The following DSCAM variants were observed in gnomAD, a reference collection of about 807,000 sequenced individuals.
DSCAM encodes DS cell adhesion molecule.
Under a neutral mutation model 217.7 loss-of-function variants are expected in DSCAM, and 47 were observed. That is an observed-to-expected ratio of 0.22 (90% CI 0.17 to 0.28). DSCAM has a LOEUF of 0.28. DSCAM is among the 10% of genes least tolerant of loss of function. The probability of loss-of-function intolerance (pLI) is 1.00; values close to 1 mark genes in which losing one functional copy is unlikely to be tolerated. For missense variants in DSCAM, 2,080 were observed against 2,618.3 expected (o/e 0.79, Z 4.49); for synonymous variants, 1,056 against 1,015.3 (o/e 1.04, Z -0.76).
chr21:40,402,076 T>C (rs1601615227), intron 3 of DSCAM, among the ~76,000 whole-genome samples: 2 of 124,984 alleles, frequency 1.6e-5, no homozygotes, highest in Admixed American at 8.3e-5. Context: ...TTTTTTTTTT[T>C]TGAGACAGAG....
chr21:40,022,658 A>G (rs1205426821), intron 32 of DSCAM, among the ~76,000 whole-genome samples: 1 of 152,210 alleles, frequency 6.6e-6, no homozygotes, highest in Non-Finnish European at 1.5e-5. Context: ...CAGTAGTTAC[A>G]GAGTGCAGGG....
intron 2 of DSCAM, among the ~76,000 whole-genome samples, chr21:40,705,589 A>T (rs2090705601): frequency 6.6e-6 from 1 of 152,184 alleles, no homozygotes; most frequent in Non-Finnish European, 1.5e-5. Context: ...AGGAGAGAGA[A>T]TGAATGCAAG....
At chr21:40,698,533 G>A (rs2090619039) in intron 2 of DSCAM, among the ~76,000 whole-genome samples, 1 of 152,132 alleles carries the variant, frequency 6.6e-6, no homozygotes. Context: ...TGCTCTACCT[G>A]CCCTGGGTGT....
intron 1 of DSCAM, among the ~76,000 whole-genome samples, chr21:40,794,925 G>A (rs890424302): frequency 2.9e-5 from 4 of 139,370 alleles, no homozygotes; most frequent in Admixed American, 7.5e-5. Flanking sequence ...GTGAACAATT[G>A]CATCAACAAG....
intron 3 of DSCAM, among the ~76,000 whole-genome samples, chr21:40,620,454 AAAAG>A (rs57407178): frequency 0.14 from 19,925 of 144,926 alleles, 1,889 homozygotes; most frequent in East Asian, 0.28. Flanking sequence ...AAAGGAAAGG[AAAAG>A]AAAGGAAGGA....
rs56230033 is a variant in DSCAM, at chr21:40,470,787, A to G, written c.509-101542T>C. 1.2e-3 allele frequency among the ~76,000 whole-genome samples: 181 copies of G among 152,254 alleles called. 1 individual carries two copies. Among genetic ancestry groups the G allele is most frequent in the African/African-American group, 3.9e-3 (164 of 41,560 alleles). On this transcript the variant is annotated intron_variant, in intron 3 of 32. Transcript: ENST00000400454. ...TAGGCTGGTCTTGAACTCCTGGACT[A>G]AAGGGATCCTCCTGCCTGGATCTCC...
intron 2 of DSCAM, among the ~76,000 whole-genome samples, chr21:40,707,148 AC>A (rs2090726711): frequency 6.6e-6 from 1 of 152,234 alleles, no homozygotes; most frequent in South Asian, 2.1e-4. Flanking sequence ...ATGGATTAAT[AC>A]GCACAGATGG....
chr21:40,455,343 A>G (rs2075754736), intron 3 of DSCAM, among the ~76,000 whole-genome samples: 1 of 152,224 alleles, frequency 6.6e-6, no homozygotes, highest in Admixed American at 6.5e-5. Flanking sequence ...CAGACGAGAG[A>G]AAGATGGAAT....
rs1332037548 is a variant in DSCAM, at chr21:40,078,822, T to C, written c.4576A>G (p.Arg1526Gly). 6.2e-7 allele frequency: 1 copy of C among 1,614,234 alleles called. No homozygotes were observed. The highest frequency in any genetic ancestry group is 1.7e-5 in the Admixed American group (1 of 60,028). The change falls in exon 26 of 33, where the codon AGG becomes GGG. Residue 1526 changes from arginine (R) to glycine (G), a missense_variant. Physicochemically the swap from Arg to Gly is moderately radical, Grantham distance 125. This residue lies in a region of DSCAM where 1,144 missense variants were observed against 1,421.1 expected (regional missense o/e 0.81). Transcript: ENST00000400454. ...ATGTAGGACTTGGAGAGAGAGGTCC[T>C]CTGAGCTGTGGTCCAAACTGTGGTC... ...FGTTVWTTAQ[R>G]TSLSKSYILY...
intron 3 of DSCAM, among the ~76,000 whole-genome samples, chr21:40,593,221 G>A (rs944400789): frequency 6.6e-6 from 1 of 151,712 alleles, no homozygotes; most frequent in East Asian, 1.9e-4. Context: ...TCTTGAAATT[G>A]TTGGTCCTTG....
chr21:40,623,511 C>T (rs1050916469), intron 3 of DSCAM, among the ~76,000 whole-genome samples: 3 of 152,216 alleles, frequency 2.0e-5, no homozygotes, highest in Non-Finnish European at 4.4e-5. Context: ...TGATCTAACA[C>T]TCATTACATT....
At chr21:40,188,563 A>C (rs1385220760) in intron 12 of DSCAM, among the ~76,000 whole-genome samples, 1 of 152,158 alleles carries the variant, frequency 6.6e-6, no homozygotes, top group Non-Finnish European at 1.5e-5. Context: ...AGCACAAACC[A>C]GTTCACTGCT....
At chr21:40,321,587 C>T (rs1969502506) in intron 8 of DSCAM, among the ~76,000 whole-genome samples, 1 of 150,854 alleles carries the variant, frequency 6.6e-6, no homozygotes, top group African/African-American at 2.4e-5. Context: ...TTAATTACAA[C>T]TCTTTCAATT....
intron 20 of DSCAM, among the ~76,000 whole-genome samples, chr21:40,105,023 C>G (rs71318514): frequency 6.6e-6 from 1 of 152,122 alleles, no homozygotes; most frequent in Non-Finnish European, 1.5e-5. Flanking sequence ...TCTGACAAAT[C>G]AGGCAGGCAG....
rs575778411 is a variant in DSCAM at position 40,653,793 on chromosome 21, T to C, written c.508+39017A>G. 1.9e-4 allele frequency among the ~76,000 whole-genome samples: 29 copies of C among 152,274 alleles called. 1 individual carries two copies. The highest frequency in any genetic ancestry group is 5.2e-4 in the Admixed American group (8 of 15,290). On this transcript the variant is annotated intron_variant, in intron 3 of 32. Transcript: ENST00000400454. ...AACTTCAATTCTAACCATGCCGTCT[T>C]TGTGGATTAAAACTCATACCTGGCC...
At chr21:40,076,747 G>A (rs1361110127) in intron 26 of DSCAM, among the ~76,000 whole-genome samples, 1 of 152,236 alleles carries the variant, frequency 6.6e-6, no homozygotes, top group African/African-American at 2.4e-5. Flanking sequence ...TTAGCTGTGA[G>A]CATATCATCA....
At chr21:40,082,541 T>C (rs898572801) in intron 24 of DSCAM, among the ~76,000 whole-genome samples, 1 of 76,196 alleles carries the variant, frequency 1.3e-5, no homozygotes, top group Non-Finnish European at 2.9e-5. Flanking sequence ...TGCAGCTGGG[T>C]CCTTGCAAGC....
intron 16 of DSCAM, among the ~76,000 whole-genome samples, chr21:40,158,573 CCA>C (rs2090505363): frequency 6.6e-6 from 1 of 152,156 alleles, no homozygotes; most frequent in South Asian, 2.1e-4. Context: ...GCAACACGTG[CCA>C]CAGATTCCAC....
chr21:40,315,248 A>T (rs576106188), intron 8 of DSCAM, among the ~76,000 whole-genome samples: 33 of 152,012 alleles, frequency 2.2e-4, no homozygotes, highest in Non-Finnish European at 4.3e-4. Flanking sequence ...AAAATAAAAA[A>T]AAAAAATTAG....
Sources: gnomAD v4.1 joint callset for allele counts (sites outside exome capture counted in the v4.1 genomes callset) on GRCh38, gnomAD v4.1.1 for gene constraint, gnomAD v4.1.1 regional missense constraint, MANE v1.5 for transcripts, NCBI Gene and HGNC (gene_info 2026-07-23, HGNC 2026-07-21) for gene names.